CTSB: variants seen among roughly 807,000 people sequenced by gnomAD.
CTSB encodes the protein APP secretase.
Under a neutral mutation model 44.3 loss-of-function variants are expected in CTSB, and 57 were observed. That is an observed-to-expected ratio of 1.29 (90% CI 1.04 to 1.60). The LOEUF is 1.60. CTSB is among the 40% of genes most tolerant of loss of function. The pLI is 0.00. For missense variants in CTSB, 768 were observed against 443.0 expected (o/e 1.73, Z -6.59); for synonymous variants, 320 against 168.0 (o/e 1.91, Z -7.00).
chr8:11,845,634 C>A, intron 9 of CTSB, 27 bp downstream of exon 9: 3 of 1,608,036 alleles, frequency 1.9e-6, no homozygotes, highest in South Asian at 2.2e-5. Context: ...ATTCACTGTT[C>A]TTGGCAGGAA....
At position 11,845,753 on chromosome 8, in the gene CTSB, CCACCCAT is replaced by C; in HGVS notation, c.823_829del (p.Met275AlafsTer86). The C allele has an allele frequency of 6.2e-7, 1 of 1,614,042 alleles. No homozygotes were observed. Among genetic ancestry groups the C allele is most frequent in the Non-Finnish European group, 8.5e-7 (1 of 1,179,940 alleles). On this transcript the variant is annotated frameshift_variant, in exon 9 of 10. Transcript: ENST00000353047. LOFTEE classifies it high-confidence loss of function. The stretch of plus-strand genomic sequence containing the variant: ...CCAGCCCAGGATGCGGATGGCATGG[CCACCCAT>C]CATCTCTCCGGTGACGTGTTGGTAC...
At chr8:11,848,377 G>C (rs758021253) in intron 5 of CTSB, 40 of 658,932 alleles carry the variant, frequency 6.1e-5, no homozygotes, top group South Asian at 4.4e-4. Flanking sequence ...AAAGATCCGG[G>C]AGAAGACAGG....
intron 1 of CTSB, among the ~76,000 whole-genome samples, chr8:11,867,048 G>C (rs370367856): frequency 6.6e-6 from 1 of 152,212 alleles, no homozygotes; most frequent in Non-Finnish European, 1.5e-5. Flanking sequence ...TTAGGAGGAG[G>C]AGTGTGGGGC....
In CTSB at chr8:11,852,624, G is replaced by A; in HGVS notation, c.198C>T (p.Pro66=). 4 of 1,613,408 alleles carry A rather than the reference G, an allele frequency of 2.5e-6. No individual in the cohort carries two copies. Among genetic ancestry groups the A allele is most frequent in the South Asian group, 1.1e-5 (1 of 91,070 alleles). Reference sequence around the variant, plus strand: ...CAGGCACTCACCTCTGGGGTGGCTTGGGCCCACCCAGGAAGGTACCACATA... The same window carrying A: ...CAGGCACTCACCTCTGGGGTGGCTTAGGCCCACCCAGGAAGGTACCACATA... ...KRLCGTFLGG[P]KPPQRVMFTE... is the part of the protein sequence containing the mutation. Residue 66 remains proline (P), a synonymous_variant, in exon 3 of 10, where the codon CCC becomes CCT. Coordinates refer to ENST00000353047, the MANE Select transcript of CTSB (RefSeq NM_001908.5).
Position 11,850,972 on chromosome 8 carries a change from A to C in CTSB, c.221T>G (p.Phe74Cys). 1 of 1,611,704 alleles carries C rather than the reference A, an allele frequency of 6.2e-7. No individual in the cohort carries two copies. Among genetic ancestry groups the C allele is most frequent in the Non-Finnish European group, 8.5e-7 (1 of 1,178,362 alleles). ...TGCAGGCAGCTTCAGGTCCTCGGTA[A>C]ACATAACTCTGGATAAAGGAAGGTC... ...GGPKPPQRVM[F>C]TEDLKLPASF... is the part of the protein sequence containing the mutation. Residue 74 changes from phenylalanine (F) to cysteine (C), a missense_variant, in exon 4 of 10, where the codon TTT becomes TGT. Physicochemically the swap from Phe to Cys is radical, Grantham distance 205. Coordinates refer to ENST00000353047, the MANE Select transcript of CTSB (RefSeq NM_001908.5).
At chr8:11,865,851 AC>A (rs1417891603) in intron 1 of CTSB, among the ~76,000 whole-genome samples, 4,818 of 141,328 alleles carry the variant, frequency 0.034, 273 homozygotes, top group African/African-American at 0.12. Context: ...TACTAAAAAT[AC>A]AAAAAAAAAA....
At chr8:11,848,173 G>A (rs746869597) in intron 5 of CTSB, 21 bp from the exon 6 acceptor site, 5 of 1,606,220 alleles carry the variant, frequency 3.1e-6, no homozygotes, top group Non-Finnish European at 4.3e-6. Flanking sequence ...AGCCTCTAAT[G>A]AAAACCTCTG....
chr8:11,846,634 TGAA>T (rs979761602), intron 8 of CTSB, among the ~76,000 whole-genome samples: 3 of 151,984 alleles, frequency 2.0e-5, no homozygotes, highest in African/African-American at 4.8e-5. Context: ...AAGAGAAAGA[TGAA>T]GAAAATGTGT....
At chr8:11,866,288 A>C (rs1323587566) in intron 1 of CTSB, among the ~76,000 whole-genome samples, 1 of 152,160 alleles carries the variant, frequency 6.6e-6, no homozygotes, top group Non-Finnish European at 1.5e-5. Context: ...CCTGGAACCA[A>C]AGGGCCACCA....
chr8:11,856,208 C>T (rs746983508), intron 1 of CTSB, among the ~76,000 whole-genome samples: 4 of 151,938 alleles, frequency 2.6e-5, no homozygotes, highest in African/African-American at 4.8e-5. Context: ...GCACAACCAC[C>T]GAGACATCAA....
At chr8:11,856,599 TAATAA>T (rs1815560177) in intron 1 of CTSB, among the ~76,000 whole-genome samples, 1 of 152,044 alleles carries the variant, frequency 6.6e-6, no homozygotes, top group Admixed American at 6.6e-5. Context: ...AAAATAATAA[TAATAA>T]AATAAAAGTA....
intron 1 of CTSB, among the ~76,000 whole-genome samples, chr8:11,858,212 C>CT (rs1479989785): frequency 5.3e-5 from 8 of 152,258 alleles, no homozygotes; most frequent in Admixed American, 3.3e-4. Flanking sequence ...CCTCTCTCCT[C>CT]TAACACTTCT....
Position 11,842,694 on chromosome 8 carries a change from T to G in CTSB, c.*2431A>C, listed in dbSNP as rs972956211. ...TCTTGTCCCCCAGGCTGGAGTGCAA[T>G]GGCGTGATCTCGGCTCACTGCATCC... On this transcript the variant is annotated 3_prime_UTR_variant, in exon 10 of 10. Coordinates refer to ENST00000353047, the MANE Select transcript of CTSB (RefSeq NM_001908.5). 4 of 152,094 alleles carry G rather than the reference T, an allele frequency of 2.6e-5. No homozygotes were observed. Among genetic ancestry groups the G allele is most frequent in the African/African-American group, 9.7e-5 (4 of 41,386 alleles). The allele number at this position is 152,094 out of a possible 1,614,324, so 9.4% of individuals were successfully genotyped here. A position where few individuals can be genotyped will look rare whatever the true frequency, so the allele number is the denominator to read the frequency against.
intron 4 of CTSB, 51 bp from the exon 5 acceptor site, chr8:11,849,215 T>G: frequency 6.7e-7 from 1 of 1,483,736 alleles, no homozygotes; most frequent in Non-Finnish European, 9.4e-7. Context: ...GGCTGGGCCC[T>G]CTGCAGCAGT....
In CTSB at chr8:11,850,703, C is replaced by T. The variant is rs1814427953; in HGVS notation, c.327+163G>A. The T allele has an allele frequency of 5.6e-6, 3 of 532,732 alleles. No homozygotes were observed. In the South Asian group the frequency reaches 7.2e-5, roughly 13 times the overall value. The allele number at this position is 532,732 out of a possible 1,614,324, so 33.0% of individuals were successfully genotyped here. A position where few individuals can be genotyped will look rare whatever the true frequency, so the allele number is the denominator to read the frequency against. Reference sequence around the variant, plus strand: ...ACTCCACCTAATCCTCGCCATCATTCATGGCCAGAGGGATTGTGATTTTTG... The same window carrying T: ...ACTCCACCTAATCCTCGCCATCATTTATGGCCAGAGGGATTGTGATTTTTG... On this transcript the variant is annotated intron_variant, in intron 4 of 9. Coordinates refer to ENST00000353047, the MANE Select transcript of CTSB (RefSeq NM_001908.5).
chr8:11,845,864 T>G, intron 8 of CTSB, 75 bp from the exon 9 acceptor site: 14 of 1,480,734 alleles, frequency 9.5e-6, no homozygotes, highest in Non-Finnish European at 1.3e-5. Context: ...CACACTCAGC[T>G]GGTCATGCTC....
intron 1 of CTSB, among the ~76,000 whole-genome samples, chr8:11,861,878 G>C (rs1816466819): frequency 6.6e-6 from 1 of 152,234 alleles, no homozygotes; most frequent in Non-Finnish European, 1.5e-5. Flanking sequence ...ATTACACCAG[G>C]GTAGTTGAGG....
At chr8:11,853,970 G>C (rs192796959) in intron 1 of CTSB, among the ~76,000 whole-genome samples, 167 of 152,300 alleles carry the variant, frequency 1.1e-3, no homozygotes, top group African/African-American at 3.7e-3. Flanking sequence ...TTGAGGCTGA[G>C]AGGTGGGGCT....
chr8:11,859,338 T>G (rs770700470), intron 1 of CTSB, among the ~76,000 whole-genome samples: 1 of 151,872 alleles, frequency 6.6e-6, no homozygotes, highest in South Asian at 2.1e-4. Flanking sequence ...CCAGGACAAA[T>G]AGGGACCTTG....
Sources: gnomAD v4.1 joint callset for allele counts (sites outside exome capture counted in the v4.1 genomes callset) on GRCh38, gnomAD v4.1.1 for gene constraint, MANE v1.5 for transcripts, NCBI Gene and HGNC (gene_info 2026-07-23, HGNC 2026-07-21) for gene names.